The following PDE1C variants were observed in gnomAD, a reference collection of about 807,000 sequenced individuals.
The protein encoded by PDE1C is dual specificity calcium/calmodulin-dependent 3',5'-cyclic nucleotide phosphodiesterase 1C.
Under a neutral mutation model 93.1 loss-of-function variants are expected in PDE1C, and 62 were observed. That is an observed-to-expected ratio of 0.67 (90% CI 0.54 to 0.82). The LOEUF (loss-of-function observed/expected upper bound fraction) is 0.82. PDE1C is among the 40% of genes least tolerant of loss of function. PDE1C has a pLI of 0.00. For synonymous variants in PDE1C, 325 were observed against 310.1 expected, an observed-to-expected ratio of 1.05 and a Z score of -0.50; for missense variants, 742 against 884.6, an observed-to-expected ratio of 0.84 and a Z score of 2.04.
At chr7:32,213,196 T>C (rs940376312) in intron 1 of PDE1C, among the ~76,000 whole-genome samples, 6 of 152,194 alleles carry the variant, frequency 3.9e-5, no homozygotes, top group Admixed American at 2.6e-4. Flanking sequence ...CTTTCAATTT[T>C]TAAACAATTG....
intron 2 of PDE1C, among the ~76,000 whole-genome samples, chr7:31,934,416 T>C (rs1371528366): frequency 6.6e-6 from 1 of 152,218 alleles, no homozygotes; most frequent in Non-Finnish European, 1.5e-5. Context: ...GATATTAATG[T>C]AATCCTTGTC....
intron 1 of PDE1C, among the ~76,000 whole-genome samples, chr7:32,276,271 T>C (rs1241334535): frequency 6.6e-6 from 1 of 152,064 alleles, no homozygotes; most frequent in Non-Finnish European, 1.5e-5. Context: ...AGAGAAGAAA[T>C]AGGTATTAGA....
At chr7:32,019,841 A>G (rs1788412119) in intron 2 of PDE1C, among the ~76,000 whole-genome samples, 1 of 152,114 alleles carries the variant, frequency 6.6e-6, no homozygotes, top group Non-Finnish European at 1.5e-5. Context: ...AGAGCAGCAA[A>G]CCTGGAATAA....
At chr7:32,082,240 C>T (rs1369164701) in intron 3 of PDE1C, among the ~76,000 whole-genome samples, 1 of 152,236 alleles carries the variant, frequency 6.6e-6, no homozygotes, top group East Asian at 1.9e-4. Flanking sequence ...GGTCCTACGC[C>T]CACGGAGTCT....
intron 1 of PDE1C, among the ~76,000 whole-genome samples, chr7:32,402,139 C>G (rs918857154): frequency 1.3e-5 from 2 of 152,158 alleles, no homozygotes; most frequent in African/African-American, 4.8e-5. Flanking sequence ...CCAGATCTGT[C>G]TGGCTCCAAA....
At chr7:31,803,675 G>A (rs983953808) in intron 16 of PDE1C, among the ~76,000 whole-genome samples, 1 of 151,900 alleles carries the variant, frequency 6.6e-6, no homozygotes, top group Non-Finnish European at 1.5e-5. Flanking sequence ...GCGACAGTTT[G>A]CTGAGAATGA....
At chr7:32,105,745 C>G (rs1253503808) in intron 3 of PDE1C, among the ~76,000 whole-genome samples, 1 of 150,002 alleles carries the variant, frequency 6.7e-6, no homozygotes, top group East Asian at 2.0e-4. Context: ...AGGCTAGTCT[C>G]AAACTCCTGG....
upstream of PDE1C, among the ~76,000 whole-genome samples, chr7:32,302,097 C>T (rs897026500): frequency 6.6e-6 from 1 of 152,160 alleles, no homozygotes; most frequent in Non-Finnish European, 1.5e-5. Context: ...GTGCCTGGGA[C>T]CATATGGCCT....
At chr7:31,811,839 T>A (rs1427302569) in intron 15 of PDE1C, among the ~76,000 whole-genome samples, 1 of 152,052 alleles carries the variant, frequency 6.6e-6, no homozygotes, top group Non-Finnish European at 1.5e-5. Flanking sequence ...GATTAGAAGA[T>A]CCTGTCACTG....
chr7:31,855,227 C>G (rs1793864509), intron 7 of PDE1C, among the ~76,000 whole-genome samples: 1 of 152,090 alleles, frequency 6.6e-6, no homozygotes, highest in Non-Finnish European at 1.5e-5. Flanking sequence ...GGAAAATCTG[C>G]TCCCAAGAGT....
chr7:31,768,450 G>T (rs1411256759), intron 17 of PDE1C, among the ~76,000 whole-genome samples: 1 of 152,166 alleles, frequency 6.6e-6, no homozygotes, highest in Non-Finnish European at 1.5e-5. Context: ...TTGGGGATTG[G>T]ATTTTAACAT....
the PDE1C span, among the ~76,000 whole-genome samples, chr7:31,714,857 G>A: frequency 6.6e-6 from 1 of 152,190 alleles, no homozygotes; most frequent in Non-Finnish European, 1.5e-5. Flanking sequence ...TGGAATTCAA[G>A]ATGAGATTTC....
intron 1 of PDE1C, among the ~76,000 whole-genome samples, chr7:32,418,328 T>A (rs1430962180): frequency 6.6e-6 from 1 of 152,352 alleles, no homozygotes; most frequent in African/African-American, 2.4e-5. Context: ...ACTCACTAGA[T>A]GTGCAACCTC....
At chr7:31,770,022 C>T (rs1371614792) in intron 17 of PDE1C, among the ~76,000 whole-genome samples, 1 of 152,174 alleles carries the variant, frequency 6.6e-6, no homozygotes, top group Non-Finnish European at 1.5e-5. Flanking sequence ...ACATTCCCAC[C>T]AGCAACATGT....
intron 16 of PDE1C, among the ~76,000 whole-genome samples, chr7:31,803,011 C>G (rs1461275515): frequency 2.0e-5 from 3 of 151,792 alleles, no homozygotes; most frequent in Non-Finnish European, 4.4e-5. Flanking sequence ...CCTCTCTCCT[C>G]TACCTGGGGA....
the PDE1C span, among the ~76,000 whole-genome samples, chr7:31,632,973 G>A: frequency 1.6e-4 from 25 of 151,932 alleles, no homozygotes; most frequent in African/African-American, 5.8e-4. Context: ...TGCAACCTCC[G>A]ACTCCCTGGT....
At chr7:32,395,468 T>C (rs1040933675) in intron 1 of PDE1C, among the ~76,000 whole-genome samples, 2 of 152,132 alleles carry the variant, frequency 1.3e-5, no homozygotes, top group African/African-American at 4.8e-5. Context: ...TGATTCCATA[T>C]TGCTAGGATA....
chr7:32,234,678 A>G (rs1807944067), intron 1 of PDE1C, among the ~76,000 whole-genome samples: 1 of 152,040 alleles, frequency 6.6e-6, no homozygotes, highest in Non-Finnish European at 1.5e-5. Context: ...GCTGAATTCT[A>G]GAAAACTAAA....
intron 2 of PDE1C, among the ~76,000 whole-genome samples, chr7:31,909,135 C>T (rs374397616): frequency 3.9e-5 from 6 of 152,008 alleles, no homozygotes; most frequent in East Asian, 1.9e-4. Flanking sequence ...GGTTGAACTC[C>T]GACTGAGGCA....
Sources: allele counts gnomAD v4.1 joint callset (sites outside exome capture counted in the v4.1 genomes callset), GRCh38; gene constraint gnomAD v4.1.1; transcripts MANE v1.5; gene names NCBI Gene and HGNC (gene_info 2026-07-23, HGNC 2026-07-21).